The following APBB2 variants were observed in gnomAD, a reference collection of about 807,000 sequenced individuals.
The protein encoded by APBB2 is amyloid beta precursor protein binding family B member 2.
APBB2 carries 38 observed loss-of-function variants against 82.5 expected under a neutral mutation model. The ratio of observed to expected loss-of-function variants is 0.46; its 90% CI spans 0.36 to 0.60. The LOEUF (loss-of-function observed/expected upper bound fraction) is 0.60, where lower values mean the gene tolerates loss of function less well. Among genes scored for constraint, APBB2 ranks in the 20% least tolerant of loss-of-function variants. The pLI, the probability that APBB2 is intolerant of heterozygous loss-of-function variation, is 0.00. For synonymous variants in APBB2, 341 were observed against 368.2 expected (o/e 0.93, Z 0.85); for missense variants, 772 against 972.3 (o/e 0.79, Z 2.74).
intron 5 of APBB2, among the ~76,000 whole-genome samples, chr4:41,029,885 G>A (rs6833471): frequency 0.11 from 16,470 of 152,060 alleles, 2,487 homozygotes; most frequent in African/African-American, 0.34. Context: ...GGCTGGGCGC[G>A]GTGGTTCATG....
At chr4:40,967,908 G>A (rs532602248) in intron 6 of APBB2, among the ~76,000 whole-genome samples, 1 of 152,336 alleles carries the variant, frequency 6.6e-6, no homozygotes, top group Non-Finnish European at 1.5e-5. Flanking sequence ...TACCCATCAA[G>A]TGGAAGGGAG....
intron 3 of APBB2, among the ~76,000 whole-genome samples, chr4:41,095,987 G>A (rs1321376579): frequency 1.3e-5 from 2 of 152,138 alleles, no homozygotes; most frequent in Non-Finnish European, 2.9e-5. Context: ...CCCAGCCACG[G>A]TGGAGTTCTT....
At chr4:41,170,360 T>G (rs1054887182) in intron 1 of APBB2, among the ~76,000 whole-genome samples, 1 of 152,174 alleles carries the variant, frequency 6.6e-6, no homozygotes, top group Non-Finnish European at 1.5e-5. Context: ...CCAGACATAG[T>G]CTCAGGGTCA....
At chr4:41,104,357 T>G (rs1040877976) in intron 2 of APBB2, among the ~76,000 whole-genome samples, 12 of 152,202 alleles carry the variant, frequency 7.9e-5, no homozygotes, top group African/African-American at 2.9e-4. Flanking sequence ...CATTAAGAAC[T>G]GAAGGCTGAG....
intron 10 of APBB2, among the ~76,000 whole-genome samples, chr4:40,919,472 C>T (rs1268325397): frequency 1.3e-5 from 2 of 152,218 alleles, no homozygotes; most frequent in African/African-American, 4.8e-5. Flanking sequence ...ACATTTCCCA[C>T]TTTAAATTTC....
chr4:40,976,989 C>T (rs1797331285), intron 6 of APBB2, among the ~76,000 whole-genome samples: 1 of 152,066 alleles, frequency 6.6e-6, no homozygotes, highest in Non-Finnish European at 1.5e-5. Flanking sequence ...GTCGAGGCTA[C>T]AGTGAGCTAT....
At chr4:41,142,637 T>A (rs140483093) in intron 2 of APBB2, among the ~76,000 whole-genome samples, 1 of 152,308 alleles carries the variant, frequency 6.6e-6, no homozygotes, top group African/African-American at 2.4e-5. Context: ...TGGACGCCGC[T>A]TTCTCCCCAA....
In APBB2 at chr4:40,815,992, A is replaced by T; in HGVS notation, c.*100T>A. ...TTAAGGGTAAATTCTCTGAAGACAA[A>T]GCATCAGCAACTGGATGGAAGGTCG... On this transcript the variant is annotated 3_prime_UTR_variant, in exon 18 of 18. Coordinates refer to ENST00000508593, the MANE Select transcript of APBB2 (RefSeq NM_004307.2). 7.4e-7 allele frequency: 1 copy of T among 1,358,674 alleles called. No homozygotes were observed. The highest frequency in any genetic ancestry group is 1.3e-5 in the South Asian group (1 of 75,294). 84.2% of individuals were successfully genotyped at this position (1,358,674 alleles called of 1,614,324 possible).
chr4:41,004,273 G>A (rs190788799), intron 6 of APBB2, among the ~76,000 whole-genome samples: 39 of 152,196 alleles, frequency 2.6e-4, no homozygotes, highest in Middle Eastern at 3.4e-3. Context: ...TACACCAGCC[G>A]TAAGAAACCA....
chr4:41,111,080 A>G (rs1749035863), intron 2 of APBB2, among the ~76,000 whole-genome samples: 1 of 152,202 alleles, frequency 6.6e-6, no homozygotes, highest in Admixed American at 6.5e-5. Flanking sequence ...GATCCCTCGC[A>G]TGCACAAGTC....
chr4:41,176,104 G>A (rs1769703562), intron 1 of APBB2, among the ~76,000 whole-genome samples: 1 of 151,934 alleles, frequency 6.6e-6, no homozygotes, highest in Non-Finnish European at 1.5e-5. Context: ...CAGATAAGAG[G>A]GTCTACACTC....
chr4:41,013,462 A>T, intron 6 of APBB2, 121 bp downstream of exon 6: 1 of 936,552 alleles, frequency 1.1e-6, no homozygotes, highest in Non-Finnish European at 1.6e-6. Flanking sequence ...ATTTTACCGC[A>T]AGAGGCTCAC....
chr4:41,028,138 A>G (rs1404738423), intron 5 of APBB2, among the ~76,000 whole-genome samples: 3 of 152,216 alleles, frequency 2.0e-5, no homozygotes. Context: ...CCATTCAATC[A>G]TTCAACAGAT....
intron 4 of APBB2, among the ~76,000 whole-genome samples, chr4:41,041,718 C>T (rs1721574836): frequency 6.6e-6 from 1 of 152,178 alleles, no homozygotes; most frequent in African/African-American, 2.4e-5. Context: ...AGCTCTTTAT[C>T]TTACTCCATT....
At chr4:40,978,030 T>C (rs6829200) in intron 6 of APBB2, among the ~76,000 whole-genome samples, 14,894 of 152,282 alleles carry the variant, frequency 0.098, 814 homozygotes, top group Admixed American at 0.15. Context: ...TGTTCTCTTT[T>C]GTACCTACAA....
At position 41,132,875 on chromosome 4, in the gene APBB2, A is replaced by C. The variant is rs142451589; in HGVS notation, c.-261+10112T>G. ...TAGTAAGGTTTTATAAAATACATTA[A>C]AACTAAAGCAAAATGATACATAATC... On this transcript the variant is annotated intron_variant, in intron 2 of 17. Transcript: ENST00000508593. Among the ~76,000 whole-genome samples, 684 of 152,336 alleles carry C rather than the reference A, an allele frequency of 4.5e-3. 6 individuals carry two copies. Among genetic ancestry groups the C allele is most frequent in the African/African-American group, 0.015 (640 of 41,578 alleles).
chr4:40,912,740 G>A (rs1778886220), intron 10 of APBB2, among the ~76,000 whole-genome samples: 1 of 152,140 alleles, frequency 6.6e-6, no homozygotes, highest in Admixed American at 6.5e-5. Context: ...GCAAATCTGA[G>A]TGTGTGGCAG....
chr4:40,855,579 AAC>A (rs1289486539), intron 12 of APBB2, among the ~76,000 whole-genome samples: 1 of 152,074 alleles, frequency 6.6e-6, no homozygotes, highest in Non-Finnish European at 1.5e-5. Context: ...TACTCAAAAA[AAC>A]AGAAATTAGC....
At chr4:41,189,244 C>T (rs769834196) in intron 1 of APBB2, among the ~76,000 whole-genome samples, 4 of 152,212 alleles carry the variant, frequency 2.6e-5, no homozygotes, top group African/African-American at 9.6e-5. Flanking sequence ...GTTGCACAGA[C>T]GTGGTCAGAA....
Sources: gnomAD v4.1 joint callset for allele counts (sites outside exome capture counted in the v4.1 genomes callset) on GRCh38, gnomAD v4.1.1 for gene constraint, MANE v1.5 for transcripts, NCBI Gene and HGNC (gene_info 2026-07-23, HGNC 2026-07-21) for gene names.